THSD7A: variants seen among roughly 807,000 people sequenced by gnomAD.
THSD7A encodes thrombospondin type-1 domain-containing protein 7A.
In THSD7A, 96 loss-of-function variants were observed where a neutral mutation model predicts 231.3. That is an observed-to-expected ratio of 0.41 (90% CI 0.35 to 0.49). THSD7A has a LOEUF of 0.49. Ranked by LOEUF, THSD7A falls within the 20% of genes least tolerant of loss-of-function variation. The pLI, the probability that THSD7A is intolerant of heterozygous loss-of-function variation, is 0.05. For synonymous variants in THSD7A, 940 were observed against 743.3 expected (o/e 1.26, Z -4.30); for missense variants, 2,290 against 2,070.2 (o/e 1.11, Z -2.06).
chr7:11,651,046 C>G (rs112131974), intron 1 of THSD7A, among the ~76,000 whole-genome samples: 1,955 of 151,972 alleles, frequency 0.013, 43 homozygotes, highest in African/African-American at 0.045. Context: ...AAAGTGGAAA[C>G]AATCCAAATG....
intron 4 of THSD7A, among the ~76,000 whole-genome samples, chr7:11,574,316 G>A (rs886467761): frequency 6.6e-6 from 1 of 151,812 alleles, no homozygotes; most frequent in East Asian, 1.9e-4. Context: ...TGTTTGTGCT[G>A]TTCATTTCTC....
intron 1 of THSD7A, among the ~76,000 whole-genome samples, chr7:11,662,473 G>A (rs1782965750): frequency 6.6e-6 from 1 of 151,278 alleles, no homozygotes; most frequent in South Asian, 2.1e-4. Context: ...GATACTGTAA[G>A]ACCTCTTTCA....
At chr7:11,564,807 T>A (rs551620675) in intron 4 of THSD7A, among the ~76,000 whole-genome samples, 8 of 152,344 alleles carry the variant, frequency 5.3e-5, no homozygotes, top group Non-Finnish European at 1.0e-4. Context: ...GTGCTATTTT[T>A]AAATTATTTA....
In THSD7A at chr7:11,541,591, A is replaced by C; in HGVS notation, c.1650T>G (p.Thr550=). ...LRKRRITNEP[T]GGSGVTGNCP... is the part of the protein sequence containing the mutation. ...AGTTTCCGGTTACCCCAGAGCCTCC[A>C]GTGGGCTCATTGGTAATGCGCCGCT... Residue 550 remains threonine, a synonymous_variant, in exon 6 of 28, where the codon ACT becomes ACG. Transcript: ENST00000423059. 1 of 1,613,988 alleles carries C rather than the reference A, an allele frequency of 6.2e-7. No homozygotes were observed. The highest frequency in any genetic ancestry group is 1.3e-5 in the African/African-American group (1 of 75,056).
chr7:11,564,653 C>A (rs1187192797), intron 4 of THSD7A, among the ~76,000 whole-genome samples: 1 of 152,156 alleles, frequency 6.6e-6, no homozygotes, highest in Non-Finnish European at 1.5e-5. Context: ...CTCCTGATTT[C>A]AAGGACAGGT....
intron 23 of THSD7A, among the ~76,000 whole-genome samples, chr7:11,397,017 C>G (rs953608695): frequency 1.1e-4 from 16 of 152,134 alleles, no homozygotes; most frequent in African/African-American, 3.9e-4. Context: ...ATAAATAGAA[C>G]CAATGACAAA....
At chr7:11,784,146 C>T (rs183208804) in intron 1 of THSD7A, among the ~76,000 whole-genome samples, 1 of 151,778 alleles carries the variant, frequency 6.6e-6, no homozygotes, top group Non-Finnish European at 1.5e-5. Context: ...GCTATTAATA[C>T]TGCTTGTGAT....
At chr7:11,822,082 G>A (rs760158272) in intron 1 of THSD7A, among the ~76,000 whole-genome samples, 3 of 151,980 alleles carry the variant, frequency 2.0e-5, no homozygotes, top group East Asian at 3.9e-4. Flanking sequence ...GGGTACATGC[G>A]CAATTTTGTT....
At chr7:11,736,693 T>A (rs1781927640) in intron 1 of THSD7A, among the ~76,000 whole-genome samples, 1 of 151,960 alleles carries the variant, frequency 6.6e-6, no homozygotes. Context: ...TGTATCCTCC[T>A]GTATATAAGT....
At chr7:11,478,198 T>A (rs1786274612) in intron 7 of THSD7A, among the ~76,000 whole-genome samples, 1 of 152,168 alleles carries the variant, frequency 6.6e-6, no homozygotes, top group South Asian at 2.1e-4. Flanking sequence ...TGATCTGACA[T>A]CCTACATGAG....
chr7:11,401,104 A>G (rs1245547847), intron 23 of THSD7A, among the ~76,000 whole-genome samples: 1 of 152,200 alleles, frequency 6.6e-6, no homozygotes, highest in Non-Finnish European at 1.5e-5. Flanking sequence ...TGATTTATCC[A>G]TTTGAAAAAA....
intron 6 of THSD7A, among the ~76,000 whole-genome samples, chr7:11,504,123 G>A (rs1340811167): frequency 2.0e-5 from 3 of 152,132 alleles, no homozygotes; most frequent in Non-Finnish European, 2.9e-5. Context: ...GGAATATTAT[G>A]CAGCCATAAA....
At chr7:11,768,555 A>G (rs1783101474) in intron 1 of THSD7A, among the ~76,000 whole-genome samples, 1 of 152,132 alleles carries the variant, frequency 6.6e-6, no homozygotes, top group Admixed American at 6.5e-5. Context: ...TTAGGTAATT[A>G]GCGATGGGTA....
chr7:11,785,322 G>C (rs1483286107), intron 1 of THSD7A, among the ~76,000 whole-genome samples: 1 of 151,892 alleles, frequency 6.6e-6, no homozygotes, highest in Non-Finnish European at 1.5e-5. Context: ...CTACAGCCTG[G>C]GACTCCTGGC....
At chr7:11,491,145 A>T (rs965905265) in intron 6 of THSD7A, among the ~76,000 whole-genome samples, 4 of 152,104 alleles carry the variant, frequency 2.6e-5, no homozygotes, top group Non-Finnish European at 5.9e-5. Context: ...TCAGAGTATG[A>T]TCTTCATCAT....
intron 24 of THSD7A, 110 bp from the exon 25 acceptor site, chr7:11,379,822 A>T (rs1782439541): frequency 8.3e-7 from 1 of 1,197,942 alleles, no homozygotes; most frequent in South Asian, 1.3e-5. Context: ...GAATCCCAGG[A>T]ATTTTTCTGT....
intron 1 of THSD7A, among the ~76,000 whole-genome samples, chr7:11,743,736 C>T (rs2128161743): frequency 6.6e-6 from 1 of 151,918 alleles, no homozygotes; most frequent in East Asian, 2.0e-4. Context: ...CAATTCTATG[C>T]TATGGTGATA....
chr7:11,669,471 G>A (rs1783286911), intron 1 of THSD7A, among the ~76,000 whole-genome samples: 1 of 151,754 alleles, frequency 6.6e-6, no homozygotes, highest in Non-Finnish European at 1.5e-5. Flanking sequence ...TACTCTGCAG[G>A]GTGAAGATTG....
chr7:11,455,031 T>C (rs537397064), intron 11 of THSD7A, among the ~76,000 whole-genome samples: 1 of 151,958 alleles, frequency 6.6e-6, no homozygotes, highest in Non-Finnish European at 1.5e-5. Context: ...AGGTCATGAG[T>C]GTGAGGTTCC....
Sources: gnomAD v4.1 joint callset for allele counts (sites outside exome capture counted in the v4.1 genomes callset) on GRCh38, gnomAD v4.1.1 for gene constraint, MANE v1.5 for transcripts, NCBI Gene and HGNC (gene_info 2026-07-23, HGNC 2026-07-21) for gene names.